ARHGAP31: variants seen among roughly 807,000 people sequenced by gnomAD.
ARHGAP31 encodes the protein Rho GTPase activating protein 31.
In ARHGAP31, 34 loss-of-function variants were observed where a neutral mutation model predicts 113.9. The observed-to-expected ratio is 0.30, with a 90% CI of 0.23 to 0.40. The LOEUF is 0.40. Among genes scored for constraint, ARHGAP31 ranks in the 10% least tolerant of loss-of-function variants. The pLI is 1.00. For synonymous variants in ARHGAP31, 650 were observed against 684.8 expected, an observed-to-expected ratio of 0.95 and a Z score of 0.79; for missense variants, 1,548 against 1,767.1, an observed-to-expected ratio of 0.88 and a Z score of 2.22.
At chr3:119,413,752 T>TG (rs1559998131) in intron 11 of ARHGAP31, 104 bp from the exon 12 acceptor site, 6 of 1,523,674 alleles carry the variant, frequency 3.9e-6, no homozygotes, top group Non-Finnish European at 5.4e-6. Context: ...TTTGCTGAAC[T>TG]GGCACAGGCT....
intron 1 of ARHGAP31, among the ~76,000 whole-genome samples, chr3:119,348,752 A>G (rs544352849): frequency 6.6e-6 from 1 of 152,330 alleles, no homozygotes; most frequent in East Asian, 1.9e-4. Flanking sequence ...CGTGTTCAGT[A>G]CACACACAGC....
At chr3:119,385,531 TA>T (rs996717111) in intron 6 of ARHGAP31, among the ~76,000 whole-genome samples, 1 of 152,214 alleles carries the variant, frequency 6.6e-6, no homozygotes, top group African/African-American at 2.4e-5. Context: ...TTAAACTATA[TA>T]AAAACCTTTT....
chr3:119,297,677 G>A (rs954846220), intron 1 of ARHGAP31, among the ~76,000 whole-genome samples: 8 of 152,172 alleles, frequency 5.3e-5, no homozygotes, highest in African/African-American at 1.7e-4. Flanking sequence ...ACATGGGGAC[G>A]CCACATGCTT....
At chr3:119,404,404 T>C (rs1203185609) in intron 10 of ARHGAP31, among the ~76,000 whole-genome samples, 2 of 152,110 alleles carry the variant, frequency 1.3e-5, no homozygotes, top group African/African-American at 4.8e-5. Context: ...AAGAGGGGCC[T>C]TGTGGAAGGC....
chr3:119,403,494 CA>C (rs1182513774), intron 10 of ARHGAP31, among the ~76,000 whole-genome samples: 1 of 152,110 alleles, frequency 6.6e-6, no homozygotes, highest in African/African-American at 2.4e-5. Flanking sequence ...ACAGTGAGCT[CA>C]AAAACTAAGA....
intron 1 of ARHGAP31, among the ~76,000 whole-genome samples, chr3:119,354,004 G>A (rs1004614481): frequency 6.6e-6 from 1 of 152,180 alleles, no homozygotes; most frequent in African/African-American, 2.4e-5. Context: ...GCCCCGGCAG[G>A]GATAAGTCAC....
chr3:119,364,074 G>C (rs952255643), intron 1 of ARHGAP31, among the ~76,000 whole-genome samples: 3 of 152,072 alleles, frequency 2.0e-5, no homozygotes, highest in Non-Finnish European at 2.9e-5. Context: ...GAGCTGGCTG[G>C]TTCTCTCAAA....
intron 1 of ARHGAP31, among the ~76,000 whole-genome samples, chr3:119,323,824 C>G (rs188097264): frequency 6.6e-6 from 1 of 152,284 alleles, no homozygotes; most frequent in Admixed American, 6.5e-5. Context: ...TTTTGAAAAG[C>G]GAGGGAGGGA....
chr3:119,320,876 T>C lies in ARHGAP31; in HGVS notation c.100+25872T>C, dbSNP rs9821759. ...GACCTGGTGGGAGGTAATTGAATCA[T>C]GGGGCCAGGCCTTTCTCGGGCTGTT... On this transcript the variant is annotated intron_variant, in intron 1 of 11. Transcript: ENST00000264245. Among the ~76,000 whole-genome samples, 1,514 of 152,182 alleles carry C rather than the reference T, an allele frequency of 9.9e-3. 23 individuals are homozygous for C. Among genetic ancestry groups the C allele is most frequent in the African/African-American group, 0.035 (1,455 of 41,526 alleles).
At chr3:119,319,642 AGCATC>A (rs1316563578) in intron 1 of ARHGAP31, among the ~76,000 whole-genome samples, 2 of 152,200 alleles carry the variant, frequency 1.3e-5, no homozygotes, top group African/African-American at 4.8e-5. Context: ...CTAGTACTGA[AGCATC>A]ATATCCCCTG....
In ARHGAP31 at chr3:119,332,635, T is replaced by TCTCTCACA. The variant is rs1403595583; in HGVS notation, c.101-32680_101-32679insTCTCACAC. On this transcript the variant is annotated intron_variant, in intron 1 of 11. Coordinates refer to ENST00000264245, the MANE Select transcript of ARHGAP31 (RefSeq NM_020754.4). ...CTCTCTCTCTCTCTCTCTCTCTCTC[T>TCTCTCACA]CACACACACACACACACACACACAC... Among the ~76,000 whole-genome samples, 380 of 85,728 alleles carry TCTCTCACA rather than the reference T, an allele frequency of 4.4e-3. 1 individual carries two copies. Among genetic ancestry groups the TCTCTCACA allele is most frequent in the Middle Eastern group, 6.4e-3 (1 of 156 alleles). 56.2% of individuals were successfully genotyped at this position (85,728 alleles called of 152,430 possible).
chr3:119,305,078 C>T (rs974408243), intron 1 of ARHGAP31, among the ~76,000 whole-genome samples: 4 of 152,088 alleles, frequency 2.6e-5, no homozygotes, highest in South Asian at 4.2e-4. Flanking sequence ...AGGACCAACT[C>T]AGAGAGGTTA....
At chr3:119,397,892 A>G (rs1326335302) in intron 8 of ARHGAP31, among the ~76,000 whole-genome samples, 3 of 152,212 alleles carry the variant, frequency 2.0e-5, no homozygotes, top group Admixed American at 2.0e-4. Context: ...TTACTTTTTA[A>G]TGGGTACTTA....
At chr3:119,368,142 G>A (rs868089209) in intron 2 of ARHGAP31, among the ~76,000 whole-genome samples, 34 of 152,296 alleles carry the variant, frequency 2.2e-4, no homozygotes, top group South Asian at 1.0e-3. Flanking sequence ...ATTTGTAAAT[G>A]AGCATTATGT....
chr3:119,414,481 A>G lies in ARHGAP31; in HGVS notation c.2552A>G (p.Asn851Ser). The G allele has an allele frequency of 7.4e-6, 12 of 1,614,210 alleles. No individual in the cohort carries two copies. Among genetic ancestry groups the G allele is most frequent in the African/African-American group, 1.3e-5 (1 of 75,060 alleles). The change falls in exon 12 of 12, where the codon AAT becomes AGT. Residue 851 changes from asparagine (N) to serine (S), a missense_variant. Transcript: ENST00000264245. ...CACAGTGACAAGCAAAATTCAAAGAATGCTGCTTCTGAGGGGAAAGGCTGT... is the reference window on the plus strand; with the variant it reads ...CACAGTGACAAGCAAAATTCAAAGAGTGCTGCTTCTGAGGGGAAAGGCTGT... ...PRHSDKQNSK[N>S]AASEGKGCGF...
intron 1 of ARHGAP31, among the ~76,000 whole-genome samples, chr3:119,320,487 A>G (rs1016750054): frequency 3.3e-5 from 5 of 152,332 alleles, no homozygotes; most frequent in African/African-American, 1.2e-4. Flanking sequence ...TTGCACACCT[A>G]TTCTTCAGGA....
At chr3:119,385,653 A>C (rs1346396456) in intron 6 of ARHGAP31, among the ~76,000 whole-genome samples, 1 of 152,272 alleles carries the variant, frequency 6.6e-6, no homozygotes, top group Non-Finnish European at 1.5e-5. Flanking sequence ...GGTATTCCAC[A>C]TGCAGCATTT....
intron 1 of ARHGAP31, among the ~76,000 whole-genome samples, chr3:119,345,146 G>A (rs940816365): frequency 1.3e-5 from 2 of 151,858 alleles, no homozygotes; most frequent in Non-Finnish European, 2.9e-5. Context: ...CACCATGCCC[G>A]GCTAATTTTT....
chr3:119,401,923 C>T lies in ARHGAP31; in HGVS notation c.1171C>T (p.Leu391Phe). The T allele has an allele frequency of 1.2e-6, 2 of 1,614,080 alleles. No homozygotes were observed. Among genetic ancestry groups the T allele is most frequent in the East Asian group, 4.5e-5 (2 of 44,884 alleles). ...HSTGTGSSCD[L>F]TKQEGEWGQE... The stretch of plus-strand genomic sequence containing the variant: ...CACCGGCACCGGCAGCTCATGTGAC[C>T]TCACCAAGCAGGAGGGCGAATGGGG... The change falls in exon 10 of 12, where the codon CTC (leucine) becomes TTC (phenylalanine). Residue 391 changes from leucine (L) to phenylalanine (F), a missense_variant. By Grantham distance (22) the Leu-to-Phe change is conservative. Coordinates refer to ENST00000264245, the MANE Select transcript of ARHGAP31 (RefSeq NM_020754.4).
Sources: gnomAD v4.1 joint callset for allele counts (sites outside exome capture counted in the v4.1 genomes callset) on GRCh38, gnomAD v4.1.1 for gene constraint, MANE v1.5 for transcripts, NCBI Gene and HGNC (gene_info 2026-07-23, HGNC 2026-07-21) for gene names.